The following GRAMD1C variants were observed in gnomAD, a reference collection of about 807,000 sequenced individuals.
GRAMD1C encodes protein Aster-C.
GRAMD1C carries 89 observed loss-of-function variants against 97.8 expected under a neutral mutation model. The observed-to-expected ratio is 0.91, with a 90% CI of 0.77 to 1.09. The LOEUF is 1.09. Ranked by LOEUF, GRAMD1C falls within the 50% of genes least tolerant of loss-of-function variation. GRAMD1C has a pLI of 0.00. For missense variants in GRAMD1C, 740 were observed against 766.4 expected, an observed-to-expected ratio of 0.97 and a Z score of 0.41; for synonymous variants, 256 against 267.0, an observed-to-expected ratio of 0.96 and a Z score of 0.40.
rs1331325325 is a variant in GRAMD1C at position 113,933,673 on chromosome 3, T to C, written c.1352+20T>C. 6 of 1,561,654 alleles carry C rather than the reference T, an allele frequency of 3.8e-6. No individual in the cohort carries two copies. In the South Asian group the frequency reaches 6.8e-5, roughly 18 times the overall value. On this transcript the variant is annotated intron_variant, in intron 12 of 17. Transcript: ENST00000358160. ...GCTAAGGTGAGCTGCTGTACATGAA[T>C]GTGTTAGGATAGGCTAGATTATGTC...
rs771956221 is a variant in GRAMD1C, at chr3:113,936,300, T to G, written c.1491T>G (p.Asn497Lys). 6.2e-7 allele frequency: 1 copy of G among 1,602,826 alleles called. No homozygotes were observed. The highest frequency in any genetic ancestry group is 2.2e-5 in the East Asian group (1 of 44,798). Reference protein sequence around the residue: ...SDLLIEESVLNQAIEDPGKLT... With the variant: ...SDLLIEESVLKQAIEDPGKLT... ...TGTTAATTGAAGAATCTGTATTAAA[T>G]CAGGCCATTGAAGACCCTGGAAAAC... Residue 497 changes from asparagine (N) to lysine (K), a missense_variant, in exon 14 of 18, where the codon AAT (asparagine) becomes AAG (lysine). Transcript: ENST00000358160.
chr3:113,885,695 C>T, intron 6 of GRAMD1C: 1 of 1,526,480 alleles, frequency 6.6e-7, no homozygotes. Flanking sequence ...TTACAGAAAG[C>T]ATGGAGATCT....
intron 2 of GRAMD1C, among the ~76,000 whole-genome samples, chr3:113,860,084 C>G (rs1266012104): frequency 6.6e-6 from 1 of 152,052 alleles, no homozygotes. Flanking sequence ...TTTAGTGATG[C>G]AATCTTGACT....
intron 3 of GRAMD1C, among the ~76,000 whole-genome samples, chr3:113,873,792 T>C (rs1468536614): frequency 6.6e-6 from 1 of 152,190 alleles, no homozygotes; most frequent in Non-Finnish European, 1.5e-5. Context: ...GTACTGGGAT[T>C]GCAGGTGTGA....
intron 8 of GRAMD1C, among the ~76,000 whole-genome samples, chr3:113,906,841 A>G (rs1452720060): frequency 6.6e-6 from 1 of 152,120 alleles, no homozygotes; most frequent in African/African-American, 2.4e-5. Context: ...AATCTTTTGT[A>G]CCGTGTTTTT....
chr3:113,863,568 G>C (rs149047002), intron 2 of GRAMD1C, among the ~76,000 whole-genome samples: 1 of 152,304 alleles, frequency 6.6e-6, no homozygotes, highest in East Asian at 1.9e-4. Context: ...GCACAGTTTT[G>C]TGAGTATACC....
chr3:113,930,885 G>A lies in GRAMD1C; in HGVS notation c.1209+53G>A, dbSNP rs199498329. The A allele has an allele frequency of 1.4e-3, 1,285 of 917,374 alleles. 3 individuals are homozygous for A. The highest frequency in any genetic ancestry group is 2.0e-3 in the Non-Finnish European group (1,138 of 558,928). The allele number at this position is 917,374 out of a possible 1,614,324, so 56.8% of individuals were successfully genotyped here. A position where few individuals can be genotyped will look rare whatever the true frequency, so the allele number is the denominator to read the frequency against. On this transcript the variant is annotated intron_variant, in intron 11 of 17. Transcript: ENST00000358160. ...GAGTCATGTGTGGGGGAAGAGAGAA[G>A]ATGCCTATTATAGTTCACCAATTTA...
chr3:113,917,315 T>C (rs967533139), intron 10 of GRAMD1C, among the ~76,000 whole-genome samples: 5 of 152,158 alleles, frequency 3.3e-5, no homozygotes, highest in Non-Finnish European at 5.9e-5. Flanking sequence ...AGTTATTCTA[T>C]AGTCAATTTT....
At chr3:113,927,789 G>T (rs746078023) in intron 10 of GRAMD1C, among the ~76,000 whole-genome samples, 3 of 152,200 alleles carry the variant, frequency 2.0e-5, no homozygotes, top group Non-Finnish European at 4.4e-5. Flanking sequence ...GCAGAAGTGG[G>T]ACTGTTGGGC....
intron 1 of GRAMD1C, among the ~76,000 whole-genome samples, chr3:113,839,902 G>A (rs893711856): frequency 6.6e-6 from 1 of 152,100 alleles, no homozygotes; most frequent in African/African-American, 2.4e-5. Flanking sequence ...ACCCCAGAAA[G>A]CCAGAATGGA....
chr3:113,876,291 A>G (rs760361809), intron 5 of GRAMD1C, 31 bp downstream of exon 5: 1 of 1,168,988 alleles, frequency 8.6e-7, no homozygotes, highest in Middle Eastern at 1.9e-4. Context: ...GTTATATTAC[A>G]TAATGTGAAG....
At chr3:113,883,697 T>G (rs1208399167) in intron 6 of GRAMD1C, among the ~76,000 whole-genome samples, 2 of 151,838 alleles carry the variant, frequency 1.3e-5, no homozygotes, top group African/African-American at 4.8e-5. Flanking sequence ...TCAGACAAAA[T>G]AGACTTTAAG....
chr3:113,839,770 T>A (rs1010745650), intron 1 of GRAMD1C, among the ~76,000 whole-genome samples: 1 of 152,196 alleles, frequency 6.6e-6, no homozygotes, highest in African/African-American at 2.4e-5. Context: ...AATAAGCTTA[T>A]TGTCTAGACT....
intron 11 of GRAMD1C, among the ~76,000 whole-genome samples, chr3:113,932,241 G>A (rs1033305645): frequency 1.3e-5 from 2 of 152,240 alleles, no homozygotes; most frequent in Admixed American, 6.5e-5. Flanking sequence ...CAAAACAATA[G>A]TTTTGTTCAT....
chr3:113,933,461 T>G (rs372436266), intron 11 of GRAMD1C, 50 bp from the exon 12 acceptor site: 2 of 1,309,998 alleles, frequency 1.5e-6, no homozygotes, highest in African/African-American at 2.9e-5. Context: ...GGCAAGAAGA[T>G]TCATATATTA....
rs535072401 is a variant in GRAMD1C at position 113,921,655 on chromosome 3, G to A, written c.1090+5817G>A. Among the ~76,000 whole-genome samples, 4 of 152,254 alleles carry A rather than the reference G, an allele frequency of 2.6e-5. No individual in the cohort carries two copies. In the South Asian group the frequency reaches 8.3e-4, roughly 32 times the overall value. The stretch of plus-strand genomic sequence containing the variant: ...TTGACTTTTTAATAATAGCCATTCT[G>A]TCTGGTGTGAGATAGTATCTCACTG... On this transcript the variant is annotated intron_variant, in intron 10 of 17. Coordinates refer to ENST00000358160, the MANE Select transcript of GRAMD1C (RefSeq NM_017577.5).
At chr3:113,915,562 A>G in intron 9 of GRAMD1C, 139 bp from the exon 10 acceptor site, 2 of 618,116 alleles carry the variant, frequency 3.2e-6, no homozygotes, top group South Asian at 4.1e-5. Context: ...GTGTCCTAGA[A>G]TGTTCTCCTC....
At chr3:113,862,902 C>T (rs1934442232) in intron 2 of GRAMD1C, among the ~76,000 whole-genome samples, 2 of 152,180 alleles carry the variant, frequency 1.3e-5, no homozygotes, top group Admixed American at 6.6e-5. Flanking sequence ...TGCCATTTTA[C>T]ACCCATTCAG....
chr3:113,944,800 G>A (rs1020132611), intron 17 of GRAMD1C, among the ~76,000 whole-genome samples: 2 of 152,112 alleles, frequency 1.3e-5, no homozygotes, highest in African/African-American at 4.8e-5. Flanking sequence ...AATATTTGTT[G>A]AATGAATACA....
Sources: allele counts gnomAD v4.1 joint callset (sites outside exome capture counted in the v4.1 genomes callset), GRCh38; gene constraint gnomAD v4.1.1; transcripts MANE v1.5; gene names NCBI Gene and HGNC (gene_info 2026-07-23, HGNC 2026-07-21).